Variants in HCN1 observed in about 807,000 individuals in gnomAD.
HCN1 encodes hyperpolarization activated cyclic nucleotide gated potassium channel 1, also known as potassium/sodium hyperpolarization-activated cyclic nucleotide-gated channel 1.
In HCN1, 13 loss-of-function variants were observed where a neutral mutation model predicts 78.9. The observed-to-expected ratio is 0.16, with a 90% confidence interval of 0.11 to 0.26. The LOEUF (loss-of-function observed/expected upper bound fraction) is 0.26. HCN1 is among the 10% of genes least tolerant of loss of function. The pLI, the probability that HCN1 is intolerant of heterozygous loss-of-function variation, is 1.00. For synonymous variants in HCN1, 552 were observed against 455.5 expected (o/e 1.21, Z -2.70); for missense variants, 810 against 1,154.3 (o/e 0.70, Z 4.32).
At chr5:45,674,133 A>G (rs954363885) in intron 1 of HCN1, among the ~76,000 whole-genome samples, 1 of 151,194 alleles carries the variant, frequency 6.6e-6, no homozygotes, top group African/African-American at 2.4e-5. Flanking sequence ...CTTTTAGTTG[A>G]TATATATGTA....
At chr5:45,516,544 T>C (rs1249203914) in intron 2 of HCN1, among the ~76,000 whole-genome samples, 1 of 151,984 alleles carries the variant, frequency 6.6e-6, no homozygotes, top group African/African-American at 2.4e-5. Flanking sequence ...TATGCCATAA[T>C]TTGAATTTGG....
At chr5:45,583,624 T>A (rs1282296463) in intron 2 of HCN1, among the ~76,000 whole-genome samples, 2 of 152,194 alleles carry the variant, frequency 1.3e-5, no homozygotes, top group Non-Finnish European at 1.5e-5. Context: ...TGTTAGGGTG[T>A]CAATTTTGGA....
intron 2 of HCN1, among the ~76,000 whole-genome samples, chr5:45,523,194 T>C (rs1742650889): frequency 1.3e-5 from 2 of 152,210 alleles, no homozygotes; most frequent in South Asian, 4.1e-4. Context: ...GAACTCATCA[T>C]TTCTTATGGC....
intron 4 of HCN1, among the ~76,000 whole-genome samples, chr5:45,362,064 A>G (rs1007788889): frequency 2.6e-5 from 4 of 152,068 alleles, no homozygotes; most frequent in Admixed American, 2.6e-4. Flanking sequence ...ATACAGCTAA[A>G]TGTGTGCTTG....
At chr5:45,437,720 C>A (rs1579894375) in intron 3 of HCN1, among the ~76,000 whole-genome samples, 2 of 152,164 alleles carry the variant, frequency 1.3e-5, no homozygotes, top group Admixed American at 1.3e-4. Context: ...AGATACAATG[C>A]CAGGTGCAAC....
At chr5:45,582,934 G>A (rs879902373) in intron 2 of HCN1, among the ~76,000 whole-genome samples, 3 of 152,040 alleles carry the variant, frequency 2.0e-5, no homozygotes, top group Admixed American at 6.6e-5. Context: ...GTATTTTATT[G>A]AGGATTTTGG....
chr5:45,353,940 C>A (rs1232958039), intron 4 of HCN1, among the ~76,000 whole-genome samples: 4 of 151,886 alleles, frequency 2.6e-5, no homozygotes, highest in Non-Finnish European at 4.4e-5. Flanking sequence ...CTGGGGAGGG[C>A]ATTGCTTTTT....
In HCN1 at chr5:45,267,079, A is replaced by G. The variant is rs776948676; in HGVS notation, c.1783+10T>C. ...AAATTTTATATAAAGAAGGTAGAAA[A>G]CTAGAGTACCTATTCGATCTAGTCG... On this transcript the variant is annotated intron_variant, in intron 7 of 7. Transcript: ENST00000303230. 10 of 1,604,804 alleles carry G rather than the reference A, an allele frequency of 6.2e-6. No individual in the cohort carries two copies. In the Admixed American group the frequency reaches 1.7e-4, roughly 27 times the overall value.
Position 45,580,800 on chromosome 5 carries a change from G to C in HCN1, c.849+64385C>G, listed in dbSNP as rs146127170. On this transcript the variant is annotated intron_variant, in intron 2 of 7. Transcript: ENST00000303230. ...GAGAACATGCGGTGTTTGGTTTTTT[G>C]TCCTCGCGATAGTTTGCTGAGAATG... Among the ~76,000 whole-genome samples the C allele has an allele frequency of 7.7e-3, 1,178 of 152,038 alleles. 5 individuals are homozygous for C. Among genetic ancestry groups the C allele is most frequent in the Middle Eastern group, 0.054 (16 of 294 alleles).
At chr5:45,550,715 C>G (rs1457481920) in intron 2 of HCN1, among the ~76,000 whole-genome samples, 1 of 151,966 alleles carries the variant, frequency 6.6e-6, no homozygotes, top group Non-Finnish European at 1.5e-5. Context: ...TTGTGAAACA[C>G]ATATATTTGG....
At chr5:45,530,803 C>T (rs1182673799) in intron 2 of HCN1, among the ~76,000 whole-genome samples, 1 of 151,962 alleles carries the variant, frequency 6.6e-6, no homozygotes, top group Non-Finnish European at 1.5e-5. Context: ...TTAACATAAC[C>T]ATTTGACAGG....
chr5:45,455,646 T>C (rs962660333), intron 3 of HCN1, among the ~76,000 whole-genome samples: 8 of 151,628 alleles, frequency 5.3e-5, no homozygotes, highest in South Asian at 4.2e-4. Context: ...GTAATTCCGA[T>C]ATGTATGTCT....
intron 3 of HCN1, among the ~76,000 whole-genome samples, chr5:45,441,207 C>T (rs1740671729): frequency 1.3e-5 from 2 of 151,966 alleles, no homozygotes; most frequent in South Asian, 4.1e-4. Flanking sequence ...TATTTTATAG[C>T]TGTTTAATTT....
chr5:45,694,088 A>AG (rs1739961984), intron 1 of HCN1, among the ~76,000 whole-genome samples: 1 of 152,216 alleles, frequency 6.6e-6, no homozygotes, highest in African/African-American at 2.4e-5. Flanking sequence ...ATCTTAGAAC[A>AG]GGGTCATTTA....
At chr5:45,387,401 A>C (rs1310287472) in intron 4 of HCN1, among the ~76,000 whole-genome samples, 1 of 152,166 alleles carries the variant, frequency 6.6e-6, no homozygotes, top group African/African-American at 2.4e-5. Flanking sequence ...TTCACAATAA[A>C]TGATCAGATT....
intron 1 of HCN1, among the ~76,000 whole-genome samples, chr5:45,677,999 C>T (rs1739621384): frequency 1.3e-5 from 1 of 79,086 alleles, no homozygotes; most frequent in South Asian, 4.4e-4. Context: ...TACACACACA[C>T]ACACACACAC....
chr5:45,611,516 C>G (rs778998992), intron 2 of HCN1, among the ~76,000 whole-genome samples: 5 of 151,888 alleles, frequency 3.3e-5, no homozygotes, highest in Non-Finnish European at 5.9e-5. Flanking sequence ...AAGTGACTTG[C>G]TCGCTTCAGT....
chr5:45,581,105 A>G (rs1372300039), intron 2 of HCN1, among the ~76,000 whole-genome samples: 2 of 152,220 alleles, frequency 1.3e-5, no homozygotes, highest in Non-Finnish European at 2.9e-5. Context: ...TCCTTGAGCA[A>G]TCGCCACACT....
At chr5:45,537,270 T>A (rs1742984218) in intron 2 of HCN1, among the ~76,000 whole-genome samples, 1 of 152,192 alleles carries the variant, frequency 6.6e-6, no homozygotes, top group Admixed American at 6.5e-5. Flanking sequence ...AAAAAAATAT[T>A]TCTTTCAGTT....
Sources: allele counts gnomAD v4.1 joint callset (sites outside exome capture counted in the v4.1 genomes callset), GRCh38; gene constraint gnomAD v4.1.1; transcripts MANE v1.5; gene names NCBI Gene and HGNC (gene_info 2026-07-23, HGNC 2026-07-21).